TCAIM: variants seen among roughly 807,000 people sequenced by gnomAD.
TCAIM encodes T cell activation inhibitor, mitochondrial.
Under a neutral mutation model 58.6 loss-of-function variants are expected in TCAIM, and 36 were observed. The ratio of observed to expected loss-of-function variants is 0.61; its 90% CI spans 0.47 to 0.81. The LOEUF (loss-of-function observed/expected upper bound fraction) is 0.81. Ranked by LOEUF, TCAIM falls within the 30% of genes least tolerant of loss-of-function variation. The pLI, the probability that TCAIM is intolerant of heterozygous loss-of-function variation, is 0.00. For missense variants in TCAIM, 466 were observed against 579.6 expected (o/e 0.80, Z 2.01); for synonymous variants, 172 against 193.6 (o/e 0.89, Z 0.93).
In TCAIM at chr3:44,368,097, C is replaced by T. The variant is rs77326103; in HGVS notation, c.572+389C>T. Reference sequence around the variant, plus strand: ...TTCTTCATGTGTTAGGCATTTCTAACGGATAGTTCAGTAGTGATGTACTTT... The same window carrying T: ...TTCTTCATGTGTTAGGCATTTCTAATGGATAGTTCAGTAGTGATGTACTTT... On this transcript the variant is annotated intron_variant, in intron 5 of 10. Transcript: ENST00000342649. Among the ~76,000 whole-genome samples, 1,246 of 152,246 alleles carry T rather than the reference C, an allele frequency of 8.2e-3. 17 individuals carry two copies. The highest frequency in any genetic ancestry group is 0.028 in the African/African-American group (1,168 of 41,546).
At position 44,396,390 on chromosome 3, in the gene TCAIM, G is replaced by C. The variant is rs778267778; in HGVS notation, c.696-10G>C. 6.2e-7 allele frequency: 1 copy of C among 1,611,740 alleles called. No homozygotes were observed. The highest frequency in any genetic ancestry group is 8.5e-7 in the Non-Finnish European group (1 of 1,179,198). On this transcript the variant is annotated splice_polypyrimidine_tract_variant and intron_variant, in intron 6 of 10. Coordinates refer to ENST00000342649, the MANE Select transcript of TCAIM (RefSeq NM_173826.4). ...ACTTGTTAACATGAGTGTGTGCTCT[G>C]TTGGCCTAGGTGGCAGAGGAGCTGG... is the stretch of plus-strand genomic sequence containing the variant.
chr3:44,404,923 G>C (rs1164896222), intron 10 of TCAIM, among the ~76,000 whole-genome samples: 1 of 151,890 alleles, frequency 6.6e-6, no homozygotes, highest in Non-Finnish European at 1.5e-5. Context: ...ATGCTCACAG[G>C]GTCCTCACAG....
rs77421305 is a variant in TCAIM at position 44,361,599 on chromosome 3, T to C, written c.319+81T>C. On this transcript the variant is annotated intron_variant, in intron 4 of 10. Transcript: ENST00000342649. Reference sequence around the variant, plus strand: ...TAATTTTGACATTGCCAGAATACCTTTGGATGAAAACTTTGGTGATAGAAA... The same window carrying C: ...TAATTTTGACATTGCCAGAATACCTCTGGATGAAAACTTTGGTGATAGAAA... The C allele has an allele frequency of 1.6e-3, 2,127 of 1,322,850 alleles. 25 individuals are homozygous for C. The African/African-American group carries it at 0.029, about 18-fold the overall frequency. The allele number at this position is 1,322,850 out of a possible 1,614,324, so 81.9% of individuals were successfully genotyped here.
chr3:44,342,671 CAGG>C (rs1700877574), intron 1 of TCAIM, among the ~76,000 whole-genome samples: 1 of 151,522 alleles, frequency 6.6e-6, no homozygotes, highest in South Asian at 2.1e-4. Flanking sequence ...AAAGAAATAC[CAGG>C]AGATTTTTTT....
At chr3:44,396,897 C>T (rs1701944387) in intron 8 of TCAIM, 63 bp downstream of exon 8, 2 of 1,501,826 alleles carry the variant, frequency 1.3e-6, no homozygotes, top group African/African-American at 1.4e-5. Flanking sequence ...TCCAACAATG[C>T]TGTAATGTTA....
intron 4 of TCAIM, among the ~76,000 whole-genome samples, chr3:44,365,257 C>T (rs1215330086): frequency 6.6e-6 from 1 of 151,988 alleles, no homozygotes; most frequent in African/African-American, 2.4e-5. Flanking sequence ...TTCTGGATCT[C>T]ATAAGTTGGT....
intron 8 of TCAIM, 33 bp downstream of exon 8, chr3:44,396,867 G>T: frequency 6.3e-7 from 1 of 1,586,058 alleles, no homozygotes; most frequent in Non-Finnish European, 8.6e-7. Flanking sequence ...AAAACTCCTT[G>T]TCATTCATAA....
At chr3:44,348,260 G>A (rs1330834282) in intron 1 of TCAIM, among the ~76,000 whole-genome samples, 1 of 152,232 alleles carries the variant, frequency 6.6e-6, no homozygotes, top group African/African-American at 2.4e-5. Flanking sequence ...AGGCTTCCGA[G>A]GCCATCAGGC....
chr3:44,393,941 A>G (rs1701881896), intron 6 of TCAIM, among the ~76,000 whole-genome samples: 1 of 152,216 alleles, frequency 6.6e-6, no homozygotes, highest in Admixed American at 6.5e-5. Context: ...TGTGGAATAG[A>G]TTTAACAGTT....
intron 3 of TCAIM, among the ~76,000 whole-genome samples, chr3:44,359,969 C>G (rs771704509): frequency 6.6e-6 from 1 of 152,150 alleles, no homozygotes; most frequent in South Asian, 2.1e-4. Flanking sequence ...AGCCCTTGCC[C>G]TAGCTGCTGC....
intron 5 of TCAIM, among the ~76,000 whole-genome samples, chr3:44,370,471 A>C (rs1037640047): frequency 2.0e-5 from 3 of 151,462 alleles, no homozygotes; most frequent in Admixed American, 2.0e-4. Context: ...AAAAAAAAAA[A>C]ACCACTGTTT....
At chr3:44,391,496 TTTTTGATA>T (rs1434734327) in intron 5 of TCAIM, among the ~76,000 whole-genome samples, 1 of 152,130 alleles carries the variant, frequency 6.6e-6, no homozygotes, top group Non-Finnish European at 1.5e-5. Flanking sequence ...AGCCAAAGCA[TTTTTGATA>T]TTTAGTTCTT....
chr3:44,408,485 C>T lies in TCAIM; in HGVS notation c.*803C>T, dbSNP rs147270134. On this transcript the variant is annotated 3_prime_UTR_variant, in exon 11 of 11. Transcript: ENST00000342649. Reference sequence around the variant, plus strand: ...CAGTCTGATAACCAGTTTATTGAAACGTGTGCATTAACAGAGAATTTAATT... The same window carrying T: ...CAGTCTGATAACCAGTTTATTGAAATGTGTGCATTAACAGAGAATTTAATT... 19 of 152,292 alleles carry T rather than the reference C, an allele frequency of 1.2e-4. No homozygotes were observed. The East Asian group carries it at 3.5e-3, about 28-fold the overall frequency. The allele number at this position is 152,292 out of a possible 1,614,324, so 9.4% of individuals were successfully genotyped here.
chr3:44,392,772 G>A, intron 5 of TCAIM, 83 bp from the exon 6 acceptor site: 2 of 1,306,424 alleles, frequency 1.5e-6, no homozygotes, highest in Non-Finnish European at 2.1e-6. Context: ...TTGTGAATAT[G>A]CAAGTGCATG....
chr3:44,352,794 C>T (rs1701117278), intron 1 of TCAIM, among the ~76,000 whole-genome samples: 1 of 152,112 alleles, frequency 6.6e-6, no homozygotes, highest in Non-Finnish European at 1.5e-5. Context: ...TTCATCCCTC[C>T]CTATCGATTA....
intron 4 of TCAIM, among the ~76,000 whole-genome samples, chr3:44,361,880 A>G (rs919054071): frequency 6.6e-6 from 1 of 152,194 alleles, no homozygotes; most frequent in Non-Finnish European, 1.5e-5. Context: ...ACCCAATTGT[A>G]ACTTAGTGAT....
intron 2 of TCAIM, among the ~76,000 whole-genome samples, chr3:44,355,676 G>T (rs562147192): frequency 1.3e-5 from 2 of 152,212 alleles, no homozygotes; most frequent in Non-Finnish European, 2.9e-5. Context: ...TAGTGAATGG[G>T]GGTAGTGAAC....
intron 5 of TCAIM, among the ~76,000 whole-genome samples, chr3:44,384,556 CAA>C (rs1701704137): frequency 6.6e-6 from 1 of 152,140 alleles, no homozygotes; most frequent in African/African-American, 2.4e-5. Flanking sequence ...GAATACTGAA[CAA>C]GTATACAGCC....
chr3:44,382,692 G>T (rs111717747), intron 5 of TCAIM, among the ~76,000 whole-genome samples: 9 of 152,124 alleles, frequency 5.9e-5, no homozygotes, highest in African/African-American at 2.2e-4. Flanking sequence ...CAGTGATTTC[G>T]TGGATATAAC....
Sources: allele counts gnomAD v4.1 joint callset (sites outside exome capture counted in the v4.1 genomes callset), GRCh38; gene constraint gnomAD v4.1.1; transcripts MANE v1.5; gene names NCBI Gene and HGNC (gene_info 2026-07-23, HGNC 2026-07-21).